GGACT: variants seen among roughly 807,000 people sequenced by gnomAD.
GGACT encodes gamma-glutamylaminecyclotransferase.
For missense variants in GGACT, 241 were observed against 233.2 expected, an observed-to-expected ratio of 1.03 and a Z score of -0.22; for synonymous variants, 118 against 115.3, an observed-to-expected ratio of 1.02 and a Z score of -0.15.
intron 2 of GGACT, among the ~76,000 whole-genome samples, chr13:100,564,935 G>A (rs1296831740): frequency 1.3e-5 from 2 of 152,158 alleles, no homozygotes; most frequent in East Asian, 3.8e-4. Flanking sequence ...ACTCCAGACC[G>A]CTACTATTCC....
chr13:100,565,380 C>G (rs2088801339), intron 2 of GGACT, among the ~76,000 whole-genome samples: 1 of 152,192 alleles, frequency 6.6e-6, no homozygotes, highest in South Asian at 2.1e-4. Context: ...ATTTGCACAT[C>G]TGACTCCTGA....
intron 2 of GGACT, among the ~76,000 whole-genome samples, chr13:100,571,032 C>G (rs546255681): frequency 9.5e-4 from 144 of 152,112 alleles, no homozygotes; most frequent in East Asian, 2.7e-3. Flanking sequence ...AAACACAGTG[C>G]CAGAATGGAT....
At chr13:100,533,085 G>A (rs902936519) in intron 2 of GGACT, among the ~76,000 whole-genome samples, 12 of 152,220 alleles carry the variant, frequency 7.9e-5, no homozygotes, top group African/African-American at 2.9e-4. Context: ...ACCCTTCTCT[G>A]AGGAACACAG....
intron 1 of GGACT, among the ~76,000 whole-genome samples, chr13:100,585,822 CAAAAAAAAA>C (rs550006144): frequency 6.4e-4 from 19 of 29,540 alleles, no homozygotes; most frequent in Non-Finnish European, 7.8e-4. Flanking sequence ...CTGTCTCCAC[CAAAAAAAAA>C]AAAAAAAAAA....
chr13:100,588,713 C>T (rs1486964292), intron 1 of GGACT, 28 bp downstream of exon 1: 2 of 151,506 alleles, frequency 1.3e-5, no homozygotes, highest in African/African-American at 2.4e-5. Flanking sequence ...GGCGCAGCCC[C>T]GACCCCCGCC....
At position 100,540,324 on chromosome 13, in the gene GGACT, C is replaced by G. The variant is rs572990024; in HGVS notation, c.-10-7723G>C. ...TTTGACTGCTGCTTCAGTCTCTTTA[C>G]TAGTTGTAGGTCTGTTCAGTCTCAG... On this transcript the variant is annotated intron_variant, in intron 2 of 2. Coordinates refer to ENST00000683975, the MANE Select transcript of GGACT (RefSeq NM_001195087.2). 8.3e-5 allele frequency: 64 copies of G among 769,798 alleles called. No individual in the cohort carries two copies. In the African/African-American group the frequency reaches 1.1e-3, roughly 13 times the overall value. 47.7% of individuals were successfully genotyped at this position (769,798 alleles called of 1,614,324 possible). A position where few individuals can be genotyped will look rare whatever the true frequency, so the allele number is the denominator to read the frequency against.
chr13:100,544,527 T>G (rs1329746130), intron 2 of GGACT, among the ~76,000 whole-genome samples: 1 of 152,164 alleles, frequency 6.6e-6, no homozygotes, highest in African/African-American at 2.4e-5. Context: ...TTTCTTCCAT[T>G]ATCTGCACCG....
intron 2 of GGACT, among the ~76,000 whole-genome samples, chr13:100,561,099 A>G (rs1417953281): frequency 1.3e-5 from 2 of 151,980 alleles, no homozygotes; most frequent in Non-Finnish European, 2.9e-5. Flanking sequence ...ACGCCCTCCT[A>G]AGTCTCATCA....
chr13:100,539,950 C>T (rs1197141306), intron 2 of GGACT: 15 of 1,557,914 alleles, frequency 9.6e-6, no homozygotes, highest in Middle Eastern at 2.3e-4. Flanking sequence ...AGGTCTAAAT[C>T]GAGGTGGGGG....
intron 2 of GGACT, among the ~76,000 whole-genome samples, chr13:100,541,542 T>A (rs2088555081): frequency 6.6e-6 from 1 of 152,196 alleles, no homozygotes; most frequent in Admixed American, 6.5e-5. Flanking sequence ...CCATCCTTTA[T>A]CAACATCTTC....
chr13:100,541,893 C>T (rs900509185), intron 2 of GGACT: 7 of 152,306 alleles, frequency 4.6e-5, no homozygotes, highest in East Asian at 1.9e-4. Flanking sequence ...GTATTGAGTT[C>T]AATAGCATCC....
At chr13:100,585,635 G>A (rs1176357158) in intron 1 of GGACT, among the ~76,000 whole-genome samples, 1 of 151,914 alleles carries the variant, frequency 6.6e-6, no homozygotes, top group Non-Finnish European at 1.5e-5. Context: ...GGGTGTGGTG[G>A]CATGCGCCTG....
chr13:100,552,554 G>A (rs190833046), intron 2 of GGACT, among the ~76,000 whole-genome samples: 54 of 152,276 alleles, frequency 3.5e-4, no homozygotes, highest in Non-Finnish European at 6.3e-4. Flanking sequence ...CCCACCTATT[G>A]TTCCTGTGCA....
At chr13:100,574,586 G>C (rs1875195587) in intron 2 of GGACT, among the ~76,000 whole-genome samples, 1 of 152,010 alleles carries the variant, frequency 6.6e-6, no homozygotes, top group South Asian at 2.1e-4. Context: ...AAAAAAGAAA[G>C]AAAACCAAAT....
intron 2 of GGACT, among the ~76,000 whole-genome samples, chr13:100,543,197 C>CTTTTTTTTTTTTTGTTTTT (rs2088570496): frequency 1.4e-5 from 1 of 69,892 alleles, no homozygotes; most frequent in African/African-American, 6.2e-5. Context: ...AAGACACCAG[C>CTTTTTTTTTTTTTGTTTTT]TTTTTTTTTT....
At chr13:100,573,560 C>A (rs1343244238) in intron 2 of GGACT, among the ~76,000 whole-genome samples, 1 of 151,958 alleles carries the variant, frequency 6.6e-6, no homozygotes, top group East Asian at 1.9e-4. Flanking sequence ...AGTATGTTTC[C>A]TAGGCTGGTC....
rs559869260 is a variant in GGACT, at chr13:100,570,074, C to A, written c.-11+13751G>T. On this transcript the variant is annotated intron_variant, in intron 2 of 2. Transcript: ENST00000683975. ...TTCCTGTCTTCTGAGCCCTCCAAGT[C>A]TCTAAGAAGTTCCAAACTTTCCCAC... Among the ~76,000 whole-genome samples the A allele has an allele frequency of 2.6e-5, 4 of 152,330 alleles. No individual in the cohort carries two copies. The South Asian group carries it at 8.3e-4, about 32-fold the overall frequency.
chr13:100,568,646 C>A (rs986630318), intron 2 of GGACT, among the ~76,000 whole-genome samples: 6 of 152,192 alleles, frequency 3.9e-5, no homozygotes, highest in African/African-American at 7.2e-5. Flanking sequence ...TGGCCCCTCC[C>A]AAATCATATG....
At chr13:100,582,120 G>A (rs1371415098) in intron 2 of GGACT, among the ~76,000 whole-genome samples, 1 of 152,198 alleles carries the variant, frequency 6.6e-6, no homozygotes, top group Non-Finnish European at 1.5e-5. Flanking sequence ...CAATCCAACA[G>A]CAATGAGCAC....
Sources: allele counts gnomAD v4.1 joint callset (sites outside exome capture counted in the v4.1 genomes callset), GRCh38; gene constraint gnomAD v4.1.1; transcripts MANE v1.5; gene names NCBI Gene and HGNC (gene_info 2026-07-23, HGNC 2026-07-21).